Variants in PLA2R1 observed in about 807,000 individuals in gnomAD.
PLA2R1 encodes secretory phospholipase A2 receptor.
Under a neutral mutation model 195.9 loss-of-function variants are expected in PLA2R1, and 158 were observed. The observed-to-expected ratio is 0.81, with a 90% confidence interval of 0.71 to 0.92. The LOEUF is 0.92. Ranked by LOEUF, PLA2R1 falls within the 40% of genes least tolerant of loss-of-function variation. The pLI, the probability that PLA2R1 is intolerant of heterozygous loss-of-function variation, is 0.00. For synonymous variants in PLA2R1, 586 were observed against 598.2 expected (o/e 0.98, Z 0.30); for missense variants, 1,626 against 1,764.6 (o/e 0.92, Z 1.41).
chr2:159,943,498 A>G (rs148778537), intron 28 of PLA2R1, among the ~76,000 whole-genome samples: 184 of 152,324 alleles, frequency 1.2e-3, no homozygotes, highest in African/African-American at 4.2e-3. Context: ...AAAGACTGTT[A>G]AGAGTGTTTG....
At chr2:159,989,416 C>T (rs368818289) in intron 11 of PLA2R1, among the ~76,000 whole-genome samples, 37 of 152,270 alleles carry the variant, frequency 2.4e-4, no homozygotes, top group East Asian at 1.2e-3. Flanking sequence ...GAGAAGGGAA[C>T]GCACACATCC....
chr2:160,058,281 C>T (rs867224068), intron 1 of PLA2R1, among the ~76,000 whole-genome samples: 2 of 152,118 alleles, frequency 1.3e-5, no homozygotes, highest in Admixed American at 6.6e-5. Flanking sequence ...AGAGACACCC[C>T]GTACACCCAA....
intron 11 of PLA2R1, among the ~76,000 whole-genome samples, chr2:159,996,700 C>T (rs1364510236): frequency 6.6e-6 from 1 of 151,996 alleles, no homozygotes; most frequent in East Asian, 1.9e-4. Context: ...TCCCACAGTT[C>T]TTGAATATTC....
rs114224184 is a variant in PLA2R1 at position 160,036,021 on chromosome 2, T to C, written c.668-2889A>G. 4.3e-3 allele frequency among the ~76,000 whole-genome samples: 657 copies of C among 152,234 alleles called. 5 individuals are homozygous for C. Among genetic ancestry groups the C allele is most frequent in the African/African-American group, 0.015 (632 of 41,522 alleles). On this transcript the variant is annotated intron_variant, in intron 3 of 29. Transcript: ENST00000283243. The stretch of plus-strand genomic sequence containing the variant: ...TTCCTCCCTGGCTGCCCCCTTTCAG[T>C]CTCCCTTGCTGATTTATTCTTCTCT...
chr2:159,963,518 C>T (rs10164809), intron 20 of PLA2R1, among the ~76,000 whole-genome samples: 134,949 of 152,196 alleles, frequency 0.89, 61,712 homozygotes, highest in East Asian at 1. Flanking sequence ...TTAGAATATA[C>T]AAGGAATTCC....
intron 3 of PLA2R1, among the ~76,000 whole-genome samples, chr2:160,038,303 C>T (rs139291923): frequency 1.3e-3 from 194 of 152,348 alleles, no homozygotes; most frequent in African/African-American, 4.4e-3. Flanking sequence ...GCACTGGAAT[C>T]ACCTAGAAGT....
At chr2:160,000,873 C>T (rs1201585501) in intron 11 of PLA2R1, among the ~76,000 whole-genome samples, 1 of 151,838 alleles carries the variant, frequency 6.6e-6, no homozygotes, top group African/African-American at 2.4e-5. Flanking sequence ...TTGAGAGACA[C>T]AGAGGTAGAA....
rs951821115 is a variant in PLA2R1, at chr2:160,016,295, A to G, written c.1551+319T>C. Among the ~76,000 whole-genome samples, 6 of 151,854 alleles carry G rather than the reference A, an allele frequency of 4.0e-5. No individual in the cohort carries two copies. The South Asian group carries it at 1.0e-3, about 26-fold the overall frequency. ...AAAAAAAGAAAAAGAAAAAGAAAAG[A>G]AAGAAAGACTAGGAAAACCAAGTGT... On this transcript the variant is annotated intron_variant, in intron 9 of 29. Coordinates refer to ENST00000283243, the MANE Select transcript of PLA2R1 (RefSeq NM_007366.5).
chr2:160,007,455 C>T (rs1408142612), intron 10 of PLA2R1, among the ~76,000 whole-genome samples: 2 of 152,198 alleles, frequency 1.3e-5, no homozygotes, highest in Non-Finnish European at 2.9e-5. Context: ...TTGTAAAATC[C>T]CCCGAGGCCT....
At chr2:160,018,298 C>A (rs1692894766) in intron 8 of PLA2R1, among the ~76,000 whole-genome samples, 1 of 152,078 alleles carries the variant, frequency 6.6e-6, no homozygotes, top group Non-Finnish European at 1.5e-5. Context: ...GAAATGATCA[C>A]CTAAATTATA....
At chr2:160,026,239 GT>G (rs1693517728) in intron 6 of PLA2R1, among the ~76,000 whole-genome samples, 1 of 152,198 alleles carries the variant, frequency 6.6e-6, no homozygotes, top group Non-Finnish European at 1.5e-5. Context: ...TGAAAGCAGA[GT>G]GTTGGGGCTA....
chr2:160,022,755 C>T lies in PLA2R1; in HGVS notation c.1204G>A (p.Ala402Thr). 1 of 1,613,160 alleles carries T rather than the reference C, an allele frequency of 6.2e-7. No individual in the cohort carries two copies. The highest frequency in any genetic ancestry group is 8.5e-7 in the Non-Finnish European group (1 of 1,179,118). ...TTATCAGCCTGACAAGAACGCAGAG[C>T]CTCATGCCAGGTCTTTTCTTCTTTC... ...LQKEEKTWHE[A>T]LRSCQADNSA... is the part of the protein sequence containing the mutation. The change falls in exon 7 of 30, where the codon GCT becomes ACT. Residue 402 changes from alanine to threonine, a missense_variant. Ala to Thr is a moderately conservative substitution (Grantham distance 58). Transcript: ENST00000283243.
intron 1 of PLA2R1, among the ~76,000 whole-genome samples, chr2:160,058,637 C>T (rs1695735717): frequency 6.6e-6 from 1 of 152,192 alleles, no homozygotes; most frequent in Non-Finnish European, 1.5e-5. Flanking sequence ...TTCTTTCTCC[C>T]CGCTGTCCAC....
intron 4 of PLA2R1, among the ~76,000 whole-genome samples, chr2:160,031,966 C>T (rs867528718): frequency 6.6e-6 from 1 of 152,190 alleles, no homozygotes; most frequent in South Asian, 2.1e-4. Context: ...AGGATTTCGC[C>T]ATGTTGGCCA....
intron 17 of PLA2R1, among the ~76,000 whole-genome samples, chr2:159,973,000 G>GT (rs1250775460): frequency 6.6e-6 from 1 of 152,056 alleles, no homozygotes; most frequent in Admixed American, 6.5e-5. Context: ...TGTTATTTTT[G>GT]TTTTTCACAA....
chr2:159,967,594 T>C lies in PLA2R1; in HGVS notation c.2849A>G (p.Asp950Gly), dbSNP rs769825408. 9 of 1,613,722 alleles carry C rather than the reference T, an allele frequency of 5.6e-6. No homozygotes were observed. The South Asian group carries it at 7.7e-5, about 14-fold the overall frequency. Residue 950 changes from aspartate to glycine, a missense_variant, in exon 20 of 30, where the codon GAT becomes GGT. Transcript: ENST00000283243. ...KKVWLIEKKK[D>G]TPKQHGTCPK... ...ACACGTTCCATGTTGTTTTGGTGTA[T>C]CTTTCTTTTTCTCTATGAGCCAAAC...
intron 11 of PLA2R1, among the ~76,000 whole-genome samples, chr2:159,995,995 G>A (rs938438252): frequency 2.0e-5 from 3 of 151,928 alleles, no homozygotes; most frequent in Non-Finnish European, 2.9e-5. Context: ...TCATCTATCT[G>A]TCATCTATCT....
chr2:159,956,520 C>T lies in PLA2R1; in HGVS notation c.3012G>A (p.Glu1004=), dbSNP rs760748206. Reference sequence around the variant, plus strand: ...TCTTGAGTACTCTACCTTGCTCCACCTCACTTTCAATGGCGACCAGGGTCC... The same window carrying T: ...TCTTGAGTACTCTACCTTGCTCCACTTCACTTTCAATGGCGACCAGGGTCC... The part of the protein sequence containing the change: ...EGGTLVAIES[E]VEQAFITMNL... The change falls in exon 21 of 30, where the codon GAG becomes GAA. Residue 1004 remains glutamate, a synonymous_variant. Transcript: ENST00000283243. The T allele has an allele frequency of 6.2e-6, 10 of 1,600,772 alleles. No homozygotes were observed. Among genetic ancestry groups the T allele is most frequent in the Non-Finnish European group, 8.6e-6 (10 of 1,167,820 alleles).
At chr2:160,061,009 G>A (rs183226639) in intron 1 of PLA2R1, among the ~76,000 whole-genome samples, 6 of 152,320 alleles carry the variant, frequency 3.9e-5, no homozygotes, top group African/African-American at 1.2e-4. Flanking sequence ...TGTTCTACCT[G>A]CCCCTGATTA....
Sources: gnomAD v4.1 joint callset for allele counts (sites outside exome capture counted in the v4.1 genomes callset) on GRCh38, gnomAD v4.1.1 for gene constraint, MANE v1.5 for transcripts, NCBI Gene and HGNC (gene_info 2026-07-23, HGNC 2026-07-21) for gene names.